Variants in ECT2L observed in about 807,000 individuals in gnomAD.
ECT2L encodes the protein epithelial cell transforming 2 like, also known as epithelial cell-transforming sequence 2 oncogene-like.
A neutral mutation model predicts 122.8 loss-of-function variants in ECT2L; 126 were observed. The ratio of observed to expected loss-of-function variants is 1.03; its 90% CI spans 0.89 to 1.19. The LOEUF (loss-of-function observed/expected upper bound fraction) is 1.19, where lower values mean the gene tolerates loss of function less well. Among genes scored for constraint, ECT2L ranks in the 50% most tolerant of loss-of-function variants. The probability of loss-of-function intolerance (pLI) is 0.00; values close to 1 mark genes in which losing one functional copy is unlikely to be tolerated. For missense variants in ECT2L, 1,012 were observed against 1,064.1 expected, an observed-to-expected ratio of 0.95 and a Z score of 0.68; for synonymous variants, 385 against 381.8, an observed-to-expected ratio of 1.01 and a Z score of -0.10.
intron 4 of ECT2L, among the ~76,000 whole-genome samples, chr6:138,824,701 C>T (rs1562459306): frequency 1.3e-5 from 2 of 152,214 alleles, no homozygotes; most frequent in East Asian, 3.9e-4. Flanking sequence ...CAGTCAGCCT[C>T]CCATAGGGAC....
chr6:138,862,802 T>A, intron 11 of ECT2L, 83 bp downstream of exon 11: 1 of 1,128,204 alleles, frequency 8.9e-7, no homozygotes, highest in Non-Finnish European at 1.3e-6. Flanking sequence ...CAGTTAATAG[T>A]ACTGGTATGG....
intron 5 of ECT2L, among the ~76,000 whole-genome samples, chr6:138,840,052 A>G (rs997041077): frequency 2.0e-4 from 31 of 152,344 alleles, no homozygotes; most frequent in African/African-American, 6.3e-4. Flanking sequence ...CACATTTTAT[A>G]TATGTACTAT....
intron 9 of ECT2L, among the ~76,000 whole-genome samples, chr6:138,849,648 A>G (rs1016126591): frequency 6.7e-6 from 1 of 149,634 alleles, no homozygotes; most frequent in Non-Finnish European, 1.5e-5. Context: ...GGCTCACTGC[A>G]GCCTGGACTT....
At chr6:138,856,147 G>T (rs534201396) in intron 10 of ECT2L, among the ~76,000 whole-genome samples, 1 of 152,132 alleles carries the variant, frequency 6.6e-6, no homozygotes, top group Non-Finnish European at 1.5e-5. Flanking sequence ...CTAAAATCTC[G>T]ATTTCAAGTA....
At chr6:138,867,638 G>A (rs904896638) in intron 12 of ECT2L, among the ~76,000 whole-genome samples, 31 of 144,168 alleles carry the variant, frequency 2.2e-4, no homozygotes, top group African/African-American at 7.5e-4. Flanking sequence ...GGTGAAACCC[G>A]GTCTCTCCTA....
chr6:138,882,631 G>A (rs1380545552), intron 15 of ECT2L, 93 bp from the exon 16 acceptor site: 4 of 1,461,852 alleles, frequency 2.7e-6, no homozygotes, highest in African/African-American at 2.8e-5. Flanking sequence ...TAAAGGACTA[G>A]GGTGAAAATG....
intron 20 of ECT2L, among the ~76,000 whole-genome samples, chr6:138,894,603 C>A (rs1246284628): frequency 6.6e-6 from 1 of 152,214 alleles, no homozygotes; most frequent in Non-Finnish European, 1.5e-5. Context: ...CACACCTCCC[C>A]ATCCATGCTT....
chr6:138,837,045 A>C (rs1180095821), intron 4 of ECT2L, among the ~76,000 whole-genome samples: 1 of 152,070 alleles, frequency 6.6e-6, no homozygotes, highest in Non-Finnish European at 1.5e-5. Context: ...TGGTGTGTTC[A>C]TTGCTTCTGG....
chr6:138,843,027 T>G lies in ECT2L; in HGVS notation c.391T>G (p.Tyr131Asp). 5 of 1,608,094 alleles carry G rather than the reference T, an allele frequency of 3.1e-6. No individual in the cohort carries two copies. Among genetic ancestry groups the G allele is most frequent in the Non-Finnish European group, 4.3e-6 (5 of 1,175,768 alleles). Residue 131 changes from tyrosine (Y) to aspartate (D), a missense_variant, in exon 6 of 22, where the codon TAT becomes GAT. Coordinates refer to ENST00000541398, the MANE Select transcript of ECT2L (RefSeq NM_001077706.3). Reference sequence around the variant, plus strand: ...CGTTAAGTTCGGATGGTTTCTGCCCTATACTCCAACAGATAATGAGTATGG... The same window carrying G: ...CGTTAAGTTCGGATGGTTTCTGCCCGATACTCCAACAGATAATGAGTATGG... ...KCVKFGWFLP[Y>D]TPTDNEYGAW... is the part of the protein sequence containing the mutation.
At chr6:138,837,872 C>T (rs1222012355) in intron 4 of ECT2L, among the ~76,000 whole-genome samples, 1 of 150,166 alleles carries the variant, frequency 6.7e-6, no homozygotes, top group Non-Finnish European at 1.5e-5. Flanking sequence ...CTTTGTCTTC[C>T]TTTTTAGAAT....
rs139613455 is a variant in ECT2L, at chr6:138,822,806, C to T, written c.179+8203C>T. ...ATTATGAGGAAAATGAAATGAATGG[C>T]ACTTATGACTACAGTCAATATGAAT... is the stretch of plus-strand genomic sequence containing the variant. On this transcript the variant is annotated intron_variant, in intron 4 of 21. Transcript: ENST00000541398. The T allele has an allele frequency of 2.7e-4, 440 of 1,611,678 alleles. 1 individual carries two copies. In the East Asian group the frequency reaches 9.2e-3, roughly 34 times the overall value.
intron 10 of ECT2L, among the ~76,000 whole-genome samples, chr6:138,855,464 G>C (rs1279934296): frequency 6.6e-6 from 1 of 151,928 alleles, no homozygotes; most frequent in African/African-American, 2.4e-5. Flanking sequence ...AGCCAAGATC[G>C]CACCACTACA....
chr6:138,899,964 A>G (rs535753512), intron 20 of ECT2L, among the ~76,000 whole-genome samples: 2 of 152,358 alleles, frequency 1.3e-5, no homozygotes, highest in East Asian at 3.9e-4. Flanking sequence ...TCTCGCTCCA[A>G]TGACAGAAAA....
chr6:138,836,688 GT>G lies in ECT2L; in HGVS notation c.180-1660del, dbSNP rs1362797205. ...CTAATTGGTGTTCTGTTGTGAGGTA[GT>G]TTTCCTTCTCCCCTATTTATTTATT... On this transcript the variant is annotated intron_variant, in intron 4 of 21. Coordinates refer to ENST00000541398, the MANE Select transcript of ECT2L (RefSeq NM_001077706.3). Among the ~76,000 whole-genome samples, 5 of 151,800 alleles carry G rather than the reference GT, an allele frequency of 3.3e-5. No individual in the cohort carries two copies. The East Asian group carries it at 7.8e-4, about 24-fold the overall frequency.
At chr6:138,841,826 G>A (rs1349108678) in intron 5 of ECT2L, among the ~76,000 whole-genome samples, 1 of 152,066 alleles carries the variant, frequency 6.6e-6, no homozygotes, top group Non-Finnish European at 1.5e-5. Context: ...ATAATATTTG[G>A]TCTAGGTATT....
Position 138,822,877 on chromosome 6 carries a change from T to A in ECT2L, c.179+8274T>A. 3.7e-6 allele frequency: 6 copies of A among 1,613,970 alleles called. No homozygotes were observed. In the South Asian group the frequency reaches 6.6e-5, roughly 18 times the overall value. The stretch of plus-strand genomic sequence containing the variant: ...GTCAGAGAATTTGCAAAAGTTTTCC[T>A]CCCTGTATTCCTCACAATAGCTTTC... On this transcript the variant is annotated intron_variant, in intron 4 of 21. Transcript: ENST00000541398.
In ECT2L at chr6:138,849,251, T is replaced by G. The variant is rs1777341393; in HGVS notation, c.904-18T>G. ...AATAGTGGGTCTTGGCTCTTACAGC[T>G]TTGGTTTCATTCTCCAGATGGTGAT... On this transcript the variant is annotated intron_variant, in intron 8 of 21. Transcript: ENST00000541398. 1 of 1,586,824 alleles carries G rather than the reference T, an allele frequency of 6.3e-7. No individual in the cohort carries two copies. The highest frequency in any genetic ancestry group is 1.4e-5 in the African/African-American group (1 of 73,334).
At chr6:138,871,510 T>A (rs1383645385) in intron 13 of ECT2L, among the ~76,000 whole-genome samples, 2 of 152,138 alleles carry the variant, frequency 1.3e-5, no homozygotes, top group African/African-American at 4.8e-5. Context: ...CTGCCGTCAT[T>A]AAGACCCATC....
rs1775414786 is a variant in ECT2L, at chr6:138,798,286, T to G, written c.-244+2094T>G. Among the ~76,000 whole-genome samples, 2 of 152,172 alleles carry G rather than the reference T, an allele frequency of 1.3e-5. 1 individual carries two copies. Among genetic ancestry groups the G allele is most frequent in the South Asian group, 4.1e-4 (2 of 4,830 alleles). On this transcript the variant is annotated intron_variant, in intron 1 of 21. Coordinates refer to ENST00000541398, the MANE Select transcript of ECT2L (RefSeq NM_001077706.3). ...TTCCCCAGAGGTCAGAGGATGGAGC[T>G]GAAAGTTCCAGCTGCATAATCACAT...
Sources: allele counts gnomAD v4.1 joint callset (sites outside exome capture counted in the v4.1 genomes callset), GRCh38; gene constraint gnomAD v4.1.1; transcripts MANE v1.5; gene names NCBI Gene and HGNC (gene_info 2026-07-23, HGNC 2026-07-21).